PPP1R9A: variants seen among roughly 807,000 people sequenced by gnomAD.
PPP1R9A encodes neurabin-1.
In PPP1R9A, 59 loss-of-function variants were observed where a neutral mutation model predicts 141.9. The ratio of observed to expected loss-of-function variants is 0.42; its 90% confidence interval spans 0.34 to 0.52. The LOEUF is 0.52. PPP1R9A is among the 20% of genes least tolerant of loss of function. The probability of loss-of-function intolerance (pLI) is 0.10; values close to 1 mark genes in which losing one functional copy is unlikely to be tolerated. For synonymous variants in PPP1R9A, 500 were observed against 569.7 expected, an observed-to-expected ratio of 0.88 and a Z score of 1.74; for missense variants, 1,444 against 1,611.9, an observed-to-expected ratio of 0.90 and a Z score of 1.78.
chr7:95,079,098 C>G (rs148950500), intron 2 of PPP1R9A, among the ~76,000 whole-genome samples: 5 of 152,086 alleles, frequency 3.3e-5, no homozygotes, highest in African/African-American at 4.8e-5. Context: ...TTTCTTCTAG[C>G]GTATTTATGG....
intron 8 of PPP1R9A, among the ~76,000 whole-genome samples, chr7:95,246,248 G>A (rs1585437108): frequency 6.6e-6 from 1 of 152,272 alleles, no homozygotes; most frequent in East Asian, 1.9e-4. Flanking sequence ...TTTATGAGGT[G>A]CTGTGGTCTC....
chr7:95,279,377 G>A (rs776832221), intron 16 of PPP1R9A, among the ~76,000 whole-genome samples: 1 of 152,144 alleles, frequency 6.6e-6, no homozygotes, highest in East Asian at 1.9e-4. Flanking sequence ...ATGTGTGTGA[G>A]TAGAAAAACA....
chr7:95,052,344 C>T (rs1810938019), intron 2 of PPP1R9A, among the ~76,000 whole-genome samples: 2 of 152,044 alleles, frequency 1.3e-5, no homozygotes, highest in South Asian at 4.2e-4. Context: ...ATTATGATGG[C>T]CTGAAGCAAG....
chr7:95,093,128 TG>T (rs1392850977), intron 2 of PPP1R9A, among the ~76,000 whole-genome samples: 16 of 152,338 alleles, frequency 1.1e-4, no homozygotes, highest in Middle Eastern at 6.8e-3. Flanking sequence ...TATTTTGTTT[TG>T]TTTTTTTGGC....
intron 3 of PPP1R9A, among the ~76,000 whole-genome samples, chr7:95,117,052 T>C (rs1255914561): frequency 6.6e-6 from 1 of 152,172 alleles, no homozygotes; most frequent in Non-Finnish European, 1.5e-5. Flanking sequence ...GTAAAGAAAA[T>C]TTAAATGACT....
intron 14 of PPP1R9A, among the ~76,000 whole-genome samples, chr7:95,271,532 T>A (rs1017890380): frequency 1.3e-5 from 2 of 152,108 alleles, no homozygotes; most frequent in African/African-American, 4.8e-5. Context: ...GATTAACTCA[T>A]TTTTTTAACA....
chr7:95,040,475 C>CA (rs932234387), intron 2 of PPP1R9A, among the ~76,000 whole-genome samples: 28 of 149,870 alleles, frequency 1.9e-4, no homozygotes, highest in East Asian at 3.9e-4. Flanking sequence ...CTTGTTTCTA[C>CA]AAAAAAAAAT....
intron 2 of PPP1R9A, among the ~76,000 whole-genome samples, chr7:95,020,322 A>G (rs1805752685): frequency 6.6e-6 from 1 of 152,188 alleles, no homozygotes; most frequent in Non-Finnish European, 1.5e-5. Flanking sequence ...TGTACAGTTT[A>G]CATATCCAGG....
intron 5 of PPP1R9A, among the ~76,000 whole-genome samples, chr7:95,192,450 G>A (rs1023652930): frequency 9.9e-5 from 15 of 151,952 alleles, no homozygotes; most frequent in African/African-American, 3.1e-4. Flanking sequence ...GTGAAAAGAT[G>A]ATACATGATC....
intron 5 of PPP1R9A, among the ~76,000 whole-genome samples, chr7:95,181,229 AAT>A (rs911548887): frequency 2.8e-5 from 4 of 145,034 alleles, no homozygotes; most frequent in African/African-American, 7.5e-5. Flanking sequence ...AAATATATAG[AAT>A]ATATATAGTA....
chr7:95,172,612 A>G (rs1832293902), intron 5 of PPP1R9A, among the ~76,000 whole-genome samples: 1 of 151,874 alleles, frequency 6.6e-6, no homozygotes, highest in Admixed American at 6.6e-5. Flanking sequence ...ACAACAAAAT[A>G]TTGCTGACAG....
intron 8 of PPP1R9A, among the ~76,000 whole-genome samples, chr7:95,227,783 A>C (rs1399849038): frequency 3.3e-5 from 5 of 152,100 alleles, no homozygotes; most frequent in African/African-American, 1.2e-4. Context: ...CCAGATCTGT[A>C]ACTTTATTTT....
rs199805483 is a variant in PPP1R9A, at chr7:94,917,576, T to TA, written c.1395+6068_1395+6069insA. Among the ~76,000 whole-genome samples, 245 of 147,748 alleles carry TA rather than the reference T, an allele frequency of 1.7e-3. 2 individuals are homozygous for TA. The highest frequency in any genetic ancestry group is 0.015 in the South Asian group (71 of 4,664). ...CAAGCGCCACCATGCCTGTTATTAT[T>TA]TTTTTTTTTTTTGTAGAGATGAAGT... On this transcript the variant is annotated intron_variant, in intron 2 of 19. Coordinates refer to ENST00000433360, the MANE Select transcript of PPP1R9A (RefSeq NM_001166160.2).
At chr7:95,066,026 G>T (rs751010790) in intron 2 of PPP1R9A, among the ~76,000 whole-genome samples, 1 of 152,112 alleles carries the variant, frequency 6.6e-6, no homozygotes, top group Non-Finnish European at 1.5e-5. Flanking sequence ...GGTCCAAATT[G>T]TGTCCCTACC....
At chr7:95,239,431 C>T (rs1229743184) in intron 8 of PPP1R9A, among the ~76,000 whole-genome samples, 3 of 152,072 alleles carry the variant, frequency 2.0e-5, no homozygotes, top group Admixed American at 2.0e-4. Context: ...ATAATATAAT[C>T]ACCTGTGGTT....
chr7:95,084,353 A>G (rs1816319994), intron 2 of PPP1R9A, among the ~76,000 whole-genome samples: 2 of 152,058 alleles, frequency 1.3e-5, no homozygotes, highest in African/African-American at 4.8e-5. Context: ...AAAATAGGCT[A>G]AACGTCACTA....
intron 3 of PPP1R9A, among the ~76,000 whole-genome samples, chr7:95,117,568 G>C (rs1453204366): frequency 6.6e-6 from 1 of 152,194 alleles, no homozygotes; most frequent in Admixed American, 6.5e-5. Flanking sequence ...ATGGAAGGAA[G>C]AAAGAGAATT....
At chr7:95,164,744 T>TC (rs1250564975) in intron 5 of PPP1R9A, among the ~76,000 whole-genome samples, 2 of 72,826 alleles carry the variant, frequency 2.7e-5, no homozygotes, top group East Asian at 2.1e-4. Context: ...TTCTTTTCTT[T>TC]TTTTTTTTTT....
intron 3 of PPP1R9A, among the ~76,000 whole-genome samples, chr7:95,119,843 A>G (rs559140999): frequency 6.6e-6 from 1 of 152,176 alleles, no homozygotes; most frequent in South Asian, 2.1e-4. Flanking sequence ...CAAGCTATAT[A>G]TACATATATA....
Sources: allele counts gnomAD v4.1 joint callset (sites outside exome capture counted in the v4.1 genomes callset), GRCh38; gene constraint gnomAD v4.1.1; transcripts MANE v1.5; gene names NCBI Gene and HGNC (gene_info 2026-07-23, HGNC 2026-07-21).